VWA3A: variants seen among roughly 807,000 people sequenced by gnomAD.
The protein encoded by VWA3A is von Willebrand factor A domain containing 3A.
VWA3A carries 134 observed loss-of-function variants against 160.4 expected under a neutral mutation model. The observed-to-expected ratio is 0.84, with a 90% CI of 0.73 to 0.96. VWA3A has a LOEUF of 0.96. VWA3A is among the 40% of genes least tolerant of loss of function. The probability of loss-of-function intolerance (pLI) is 0.00; values close to 1 mark genes in which losing one functional copy is unlikely to be tolerated. For missense variants in VWA3A, 1,310 were observed against 1,447.9 expected (o/e 0.90, Z 1.55); for synonymous variants, 476 against 543.4 (o/e 0.88, Z 1.72).
chr16:22,125,120 G>A (rs2045821591), intron 16 of VWA3A, among the ~76,000 whole-genome samples: 1 of 151,310 alleles, frequency 6.6e-6, no homozygotes, highest in Admixed American at 6.6e-5. Context: ...GCTCATTCCT[G>A]TATTTCCAGT....
At chr16:22,114,134 C>CT (rs2045597170) in intron 8 of VWA3A, among the ~76,000 whole-genome samples, 1 of 152,034 alleles carries the variant, frequency 6.6e-6, no homozygotes, top group East Asian at 1.9e-4. Context: ...AGACCTGGGA[C>CT]TTATTCTCGC....
intron 21 of VWA3A, among the ~76,000 whole-genome samples, chr16:22,136,797 C>A (rs1477508186): frequency 2.0e-5 from 3 of 152,012 alleles, no homozygotes; most frequent in Admixed American, 6.6e-5. Context: ...TTTTGGGAGG[C>A]TGAGGCAGGC....
At chr16:22,145,771 G>T (rs11640307) in intron 26 of VWA3A, among the ~76,000 whole-genome samples, 7,232 of 147,298 alleles carry the variant, frequency 0.049, 249 homozygotes, top group Middle Eastern at 0.11. Flanking sequence ...AGAAAAAAAG[G>T]CTTTAAACAA....
At chr16:22,148,058 A>G (rs781550420) in intron 27 of VWA3A, 104 bp from the exon 28 acceptor site, 1 of 1,363,838 alleles carries the variant, frequency 7.3e-7, no homozygotes, top group Non-Finnish European at 9.7e-7. Flanking sequence ...GGCAGGCAAC[A>G]GGTGTCACAA....
intron 11 of VWA3A, 95 bp from the exon 12 acceptor site, chr16:22,118,807 G>T: frequency 6.5e-7 from 1 of 1,534,298 alleles, no homozygotes; most frequent in Non-Finnish European, 8.9e-7. Flanking sequence ...CTGACCCTCT[G>T]CCTGGGCATT....
At position 22,144,249 on chromosome 16, in the gene VWA3A, G is replaced by C. The variant is rs1378303773; in HGVS notation, c.2595G>C (p.Trp865Cys). Residue 865 changes from tryptophan (W) to cysteine (C), a missense_variant and splice_region_variant, in exon 26 of 34, where the codon TGG (tryptophan) becomes TGC (cysteine). By Grantham distance (215) the Trp-to-Cys change is radical. Coordinates refer to ENST00000389398, the MANE Select transcript of VWA3A (RefSeq NM_173615.5). ...RKDTVCSSQE[W>C]VAKYGLKKLK... Reference sequence around the variant, plus strand: ...TAGTTCTTTCCTTTATTCTAAAGTGGGTGGCAAAATATGGGCTCAAAAAAT... The same window carrying C: ...TAGTTCTTTCCTTTATTCTAAAGTGCGTGGCAAAATATGGGCTCAAAAAAT... 1 of 1,610,838 alleles carries C rather than the reference G, an allele frequency of 6.2e-7. No homozygotes were observed. The highest frequency in any genetic ancestry group is 1.1e-5 in the South Asian group (1 of 90,324).
At chr16:22,134,664 G>C (rs896482167) in intron 21 of VWA3A, among the ~76,000 whole-genome samples, 1 of 151,776 alleles carries the variant, frequency 6.6e-6, no homozygotes, top group African/African-American at 2.4e-5. Context: ...ATTGGTGTTT[G>C]TTTGTTTGTT....
At position 22,152,495 on chromosome 16, in the gene VWA3A, T is replaced by G; in HGVS notation, c.3282-16T>G. The G allele has an allele frequency of 6.2e-7, 1 of 1,612,266 alleles. No individual in the cohort carries two copies. ...TCAGTCAGCCTTCCCACCAGCCCTC[T>G]GTCCCTTCCTTCCAGAGCGGCGGTT... On this transcript the variant is annotated splice_polypyrimidine_tract_variant and intron_variant, in intron 30 of 33. Transcript: ENST00000389398.
At chr16:22,155,026 T>A (rs535327006) in intron 31 of VWA3A, among the ~76,000 whole-genome samples, 4 of 132,026 alleles carry the variant, frequency 3.0e-5, no homozygotes, top group Non-Finnish European at 6.3e-5. Context: ...TGGTGGCACA[T>A]GCCTGTGGTC....
Position 22,155,573 on chromosome 16 carries a change from A to G in VWA3A, c.3412A>G (p.Thr1138Ala). The G allele has an allele frequency of 6.2e-7, 1 of 1,613,854 alleles. No individual in the cohort carries two copies. Among genetic ancestry groups the G allele is most frequent in the Non-Finnish European group, 8.5e-7 (1 of 1,179,826 alleles). ...CTCATTTCCTCTTTTCAAGGATCCCACATTGCCACCATTTGAAGGAGATGA... is the reference window on the plus strand; with the variant it reads ...CTCATTTCCTCTTTTCAAGGATCCCGCATTGCCACCATTTGAAGGAGATGA... ...TKGFINEKDP[T>A]LPPFEGDDLR... The change falls in exon 32 of 34, where the codon ACA becomes GCA. Residue 1138 changes from threonine to alanine, a missense_variant. Thr to Ala is a moderately conservative substitution (Grantham distance 58). Transcript: ENST00000389398.
chr16:22,103,349 C>T lies in VWA3A; in HGVS notation c.429-126C>T. ...GTGCACCTAAAAGGTTCACCACCTTCTTCCAAGAACCTATGCACATTAAAA... is the reference window on the plus strand; with the variant it reads ...GTGCACCTAAAAGGTTCACCACCTTTTTCCAAGAACCTATGCACATTAAAA... On this transcript the variant is annotated intron_variant, in intron 5 of 33. Coordinates refer to ENST00000389398, the MANE Select transcript of VWA3A (RefSeq NM_173615.5). 12 of 850,506 alleles carry T rather than the reference C, an allele frequency of 1.4e-5. No homozygotes were observed. In the South Asian group the frequency reaches 2.0e-4, roughly 14 times the overall value. The allele number at this position is 850,506 out of a possible 1,614,324, so 52.7% of individuals were successfully genotyped here. A position where few individuals can be genotyped will look rare whatever the true frequency, so the allele number is the denominator to read the frequency against.
chr16:22,092,750 G>A (rs1280308572), intron 1 of VWA3A, 99 bp downstream of exon 1: 2 of 1,467,900 alleles, frequency 1.4e-6, no homozygotes, highest in Non-Finnish European at 1.9e-6. Context: ...GAGGGAGCTT[G>A]GGGTGTGAAG....
At chr16:22,124,551 T>C (rs1018008928) in intron 16 of VWA3A, among the ~76,000 whole-genome samples, 6 of 147,616 alleles carry the variant, frequency 4.1e-5, no homozygotes, top group African/African-American at 1.5e-4. Flanking sequence ...ATTATTATTA[T>C]TATTATTATT....
At position 22,097,648 on chromosome 16, in the gene VWA3A, G is replaced by A. The variant is rs376140454; in HGVS notation, c.178G>A (p.Asp60Asn). The A allele has an allele frequency of 2.6e-6, 4 of 1,551,646 alleles. No homozygotes were observed. Among genetic ancestry groups the A allele is most frequent in the Non-Finnish European group, 3.5e-6 (4 of 1,146,998 alleles). ...TATGAATGGACTTGGGCAAAATTCG[G>A]ACAATGGATTATTGGTTACACATGT... ...KNMNGLGQNS[D>N]NGLLVTHVNQ... Residue 60 changes from aspartate to asparagine, a missense_variant, in exon 3 of 34, where the codon GAC becomes AAC. Coordinates refer to ENST00000389398, the MANE Select transcript of VWA3A (RefSeq NM_173615.5).
intron 11 of VWA3A, among the ~76,000 whole-genome samples, chr16:22,117,486 A>G (rs1022128942): frequency 1.3e-5 from 2 of 152,234 alleles, no homozygotes; most frequent in Non-Finnish European, 2.9e-5. Context: ...AGTTGCCGTT[A>G]ATATAGGCCC....
At chr16:22,133,438 G>A (rs1166787389) in intron 20 of VWA3A, among the ~76,000 whole-genome samples, 1 of 152,094 alleles carries the variant, frequency 6.6e-6, no homozygotes, top group Non-Finnish European at 1.5e-5. Flanking sequence ...GATCGCTTGA[G>A]ATCAGGACTT....
Position 22,115,472 on chromosome 16 carries a change from G to A in VWA3A, c.815G>A (p.Cys272Tyr), listed in dbSNP as rs533438329. 1 of 1,602,972 alleles carries A rather than the reference G, an allele frequency of 6.2e-7. No homozygotes were observed. Among genetic ancestry groups the A allele is most frequent in the East Asian group, 2.2e-5 (1 of 44,542 alleles). The change falls in exon 9 of 34, where the codon TGC becomes TAC. Residue 272 changes from cysteine (C) to tyrosine (Y), a missense_variant and splice_region_variant. By Grantham distance (194) the Cys-to-Tyr change is radical. Coordinates refer to ENST00000389398, the MANE Select transcript of VWA3A (RefSeq NM_173615.5). ...TCCCTGGTGGCCATCATGAGAAGCT[G>A]GTAGGTCTTCTTTCCTAAGCAGGTG... ...LDSLVAIMRSCPDQPSEILSD... is the reference protein window; with the variant it reads ...LDSLVAIMRSYPDQPSEILSD...
chr16:22,099,106 A>G (rs955032924), intron 3 of VWA3A, among the ~76,000 whole-genome samples: 91 of 151,934 alleles, frequency 6.0e-4, no homozygotes, highest in Non-Finnish European at 3.1e-4. Flanking sequence ...AAAAGAAAAA[A>G]AAAAAAGTAC....
At position 22,130,715 on chromosome 16, in the gene VWA3A, C is replaced by T. The variant is rs528197746; in HGVS notation, c.1653-490C>T. On this transcript the variant is annotated intron_variant, in intron 17 of 33. Coordinates refer to ENST00000389398, the MANE Select transcript of VWA3A (RefSeq NM_173615.5). ...GCCTCCTGGACTCAAGTGATCCTCC[C>T]ACCTCAGCCTCCTAAGTAGCTAGGT... Among the ~76,000 whole-genome samples, 10 of 152,192 alleles carry T rather than the reference C, an allele frequency of 6.6e-5. No homozygotes were observed. The South Asian group carries it at 1.7e-3, about 25-fold the overall frequency.
Sources: gnomAD v4.1 joint callset for allele counts (sites outside exome capture counted in the v4.1 genomes callset) on GRCh38, gnomAD v4.1.1 for gene constraint, MANE v1.5 for transcripts, NCBI Gene and HGNC (gene_info 2026-07-23, HGNC 2026-07-21) for gene names.